The following OGG1 variants were observed in gnomAD, a reference collection of about 807,000 sequenced individuals.
OGG1 encodes the protein 8-oxoguanine DNA glycosylase.
OGG1 carries 35 observed loss-of-function variants against 42.3 expected under a neutral mutation model. The observed-to-expected ratio is 0.83, with a 90% CI of 0.63 to 1.10. OGG1 has a LOEUF of 1.10. Ranked by LOEUF, OGG1 falls within the 50% of genes least tolerant of loss-of-function variation. The pLI, the probability that OGG1 is intolerant of heterozygous loss-of-function variation, is 0.00. For missense variants in OGG1, 484 were observed against 446.7 expected, an observed-to-expected ratio of 1.08 and a Z score of -0.75; for synonymous variants, 189 against 179.0, an observed-to-expected ratio of 1.06 and a Z score of -0.44.
chr3:9,789,269 G>T (rs573278571), downstream of OGG1, among the ~76,000 whole-genome samples: 1 of 152,318 alleles, frequency 6.6e-6, no homozygotes, highest in African/African-American at 2.4e-5. Flanking sequence ...AAAGGAACAT[G>T]GGCAGACTTC....
chr3:9,770,341 C>T (rs1014520090), downstream of OGG1, among the ~76,000 whole-genome samples: 1 of 152,134 alleles, frequency 6.6e-6, no homozygotes, highest in Non-Finnish European at 1.5e-5. Context: ...CTTCTCCGTG[C>T]CCTGAAGGGA....
At chr3:9,785,174 C>CA in intron 3 of OGG1, 1 of 605,190 alleles carries the variant, frequency 1.7e-6, no homozygotes, top group South Asian at 2.3e-5. Context: ...CACGCTGGGT[C>CA]ATCACTCACA....
At chr3:9,785,495 C>A in intron 3 of OGG1, 1 of 1,045,338 alleles carries the variant, frequency 9.6e-7, no homozygotes, top group Non-Finnish European at 1.4e-6. Context: ...CTGACCTACA[C>A]TGACAGTCTT....
intron 3 of OGG1, among the ~76,000 whole-genome samples, chr3:9,784,864 C>T (rs1276963839): frequency 1.0e-5 from 1 of 97,398 alleles, no homozygotes; most frequent in Non-Finnish European, 2.1e-5. Flanking sequence ...GACTCCATCT[C>T]AAAAAAAAAA....
At chr3:9,780,665 A>G in intron 2 of OGG1, 1 of 1,116,482 alleles carries the variant, frequency 9.0e-7, no homozygotes, top group South Asian at 1.6e-5. Flanking sequence ...GGATTGTGTC[A>G]TACAGTCGTG....
In OGG1 at chr3:9,785,040, G is replaced by A. The variant is rs1310075970; in HGVS notation, c.383-2688G>A. Among the ~76,000 whole-genome samples, 3 of 152,220 alleles carry A rather than the reference G, an allele frequency of 2.0e-5. No homozygotes were observed. In the East Asian group the frequency reaches 5.8e-4, roughly 29 times the overall value. ...GCAGCTATATGATTAATAGCCCCAAGTTATTTCATCATATGGAGTTATGCC... is the reference window on the plus strand; with the variant it reads ...GCAGCTATATGATTAATAGCCCCAAATTATTTCATCATATGGAGTTATGCC... On this transcript the variant is annotated intron_variant, in intron 3 of 3. Transcript: ENST00000426518.
chr3:9,754,509 CAT>C (rs760620178), intron 3 of OGG1, among the ~76,000 whole-genome samples, 193 bp from the exon 4 acceptor site: 15 of 152,320 alleles, frequency 9.8e-5, no homozygotes, highest in East Asian at 5.8e-4. Flanking sequence ...GCTCAGAAAA[CAT>C]GTGTAGAGGG....
downstream of OGG1, among the ~76,000 whole-genome samples, chr3:9,788,477 C>A (rs192525149): frequency 6.6e-6 from 1 of 151,276 alleles, no homozygotes; most frequent in African/African-American, 2.4e-5. Context: ...AATCTCCTGA[C>A]CTTGTGATCT....
chr3:9,788,768 G>A (rs1282310109), downstream of OGG1, among the ~76,000 whole-genome samples: 1 of 151,624 alleles, frequency 6.6e-6, no homozygotes, highest in Non-Finnish European at 1.5e-5. Flanking sequence ...TTGAACTCCT[G>A]ACCTCAGATG....
chr3:9,780,532 ACCT>A (rs764925976), intron 2 of OGG1: 69 of 1,600,998 alleles, frequency 4.3e-5, no homozygotes, highest in Non-Finnish European at 5.9e-5. Context: ...CTGCCGGCTC[ACCT>A]CCTCCTTTGC....
chr3:9,755,510 C>A (rs2077501413), intron 4 of OGG1, among the ~76,000 whole-genome samples: 1 of 146,098 alleles, frequency 6.8e-6, no homozygotes. Context: ...TGTTGCCAGG[C>A]TGGAGTGCAG....
At chr3:9,764,633 T>C (rs1298617111) in intron 7 of OGG1, among the ~76,000 whole-genome samples, 1 of 147,556 alleles carries the variant, frequency 6.8e-6, no homozygotes. Flanking sequence ...TTTTTGTTTT[T>C]TTTTTTTTTT....
intron 2 of OGG1, among the ~76,000 whole-genome samples, chr3:9,773,145 C>T (rs2078321990): frequency 6.6e-6 from 1 of 151,176 alleles, no homozygotes; most frequent in South Asian, 2.1e-4. Context: ...AGGAGAATTG[C>T]TTGAACCCAG....
chr3:9,754,986 G>A, intron 4 of OGG1, 101 bp downstream of exon 4: 1 of 955,176 alleles, frequency 1.0e-6, no homozygotes, highest in Non-Finnish European at 1.6e-6. Flanking sequence ...GGCTTCCGGA[G>A]GCAGAGCAGG....
chr3:9,784,065 T>A, intron 3 of OGG1: 1 of 1,614,164 alleles, frequency 6.2e-7, no homozygotes, highest in Non-Finnish European at 8.5e-7. Flanking sequence ...TTGTGGGCAC[T>A]AAGTGCCTTC....
At chr3:9,753,308 C>T (rs2077387951) in intron 3 of OGG1, among the ~76,000 whole-genome samples, 1 of 149,674 alleles carries the variant, frequency 6.7e-6, no homozygotes, top group South Asian at 2.1e-4. Flanking sequence ...CATGCCATTG[C>T]ACTCCAGCCT....
chr3:9,751,731 G>A lies in OGG1; in HGVS notation c.386-39G>A, dbSNP rs2077309103. ...GGGTGGGAAGAGGCCACACCCAACA[G>A]CAGGTACCTCTCCTACCCCCTGCAT... is the stretch of plus-strand genomic sequence containing the variant. On this transcript the variant is annotated intron_variant, in intron 2 of 6. Coordinates refer to ENST00000344629, the MANE Select transcript of OGG1 (RefSeq NM_002542.6). 4.4e-6 allele frequency: 7 copies of A among 1,605,882 alleles called. No homozygotes were observed. The East Asian group carries it at 8.9e-5, about 20-fold the overall frequency.
rs530244256 is a variant in OGG1 at position 9,780,672 on chromosome 3, C to T, written c.295-841C>T. 3.2e-5 allele frequency: 33 copies of T among 1,019,864 alleles called. No individual in the cohort carries two copies. In the East Asian group the frequency reaches 4.7e-4, roughly 15 times the overall value. 63.2% of individuals were successfully genotyped at this position (1,019,864 alleles called of 1,614,324 possible). On this transcript the variant is annotated intron_variant, in intron 2 of 3. Transcript: ENST00000426518. ...ATGCCTGTGGATTGTGTCATACAGT[C>T]GTGACCAAAAAGCAGTTACTGACCT...
chr3:9,750,590 A>G lies in OGG1; in HGVS notation c.137+167A>G, dbSNP rs2077255359. 5.5e-6 allele frequency: 5 copies of G among 902,406 alleles called. No homozygotes were observed. The South Asian group carries it at 7.3e-5, about 13-fold the overall frequency. 55.9% of individuals were successfully genotyped at this position (902,406 alleles called of 1,614,324 possible). On this transcript the variant is annotated intron_variant, in intron 1 of 6. Transcript: ENST00000344629. Reference sequence around the variant, plus strand: ...CCTGTTACCTTTAATATGTCTGTACAGTGATAATTGTAAGGATCCAGCGGT... The same window carrying G: ...CCTGTTACCTTTAATATGTCTGTACGGTGATAATTGTAAGGATCCAGCGGT...
Sources: allele counts gnomAD v4.1 joint callset (sites outside exome capture counted in the v4.1 genomes callset), GRCh38; gene constraint gnomAD v4.1.1; transcripts MANE v1.5; gene names NCBI Gene and HGNC (gene_info 2026-07-23, HGNC 2026-07-21).